The following CAMK2D variants were observed in gnomAD, a reference collection of about 807,000 sequenced individuals.
CAMK2D encodes calcium/calmodulin dependent protein kinase II delta.
Under a neutral mutation model 84.0 loss-of-function variants are expected in CAMK2D, and 37 were observed. That is an observed-to-expected ratio of 0.44 (90% CI 0.34 to 0.58). The LOEUF (loss-of-function observed/expected upper bound fraction) is 0.58. Among genes scored for constraint, CAMK2D ranks in the 20% least tolerant of loss-of-function variants. CAMK2D has a pLI of 0.02. For synonymous variants in CAMK2D, 202 were observed against 212.5 expected, an observed-to-expected ratio of 0.95 and a Z score of 0.43; for missense variants, 448 against 652.5, an observed-to-expected ratio of 0.69 and a Z score of 3.41.
chr4:113,617,698 C>T lies in CAMK2D; in HGVS notation c.221-8492G>A, dbSNP rs182735869. Among the ~76,000 whole-genome samples, 78 of 149,860 alleles carry T rather than the reference C, an allele frequency of 5.2e-4. 1 individual carries two copies. The highest frequency in any genetic ancestry group is 3.4e-3 in the Middle Eastern group (1 of 292). ...GTTCTTAATTTGAAATGGGGTCTTG[C>T]TATGTTGCTGAGGCTGGCCTCTTGA... On this transcript the variant is annotated intron_variant, in intron 3 of 20. Coordinates refer to ENST00000511664, the MANE Select transcript of CAMK2D (RefSeq NM_001321571.2).
In CAMK2D at chr4:113,577,296, G is replaced by A. The variant is rs532001298; in HGVS notation, c.276-25200C>T. On this transcript the variant is annotated intron_variant, in intron 4 of 20. Transcript: ENST00000511664. ...TTCCTGGAATATGTTGTGTTCTTTC[G>A]ATATACAGATTCAATCTTTCTTCAT... Among the ~76,000 whole-genome samples, 14 of 151,864 alleles carry A rather than the reference G, an allele frequency of 9.2e-5. No individual in the cohort carries two copies. In the South Asian group the frequency reaches 2.9e-3, roughly 32 times the overall value.
intron 6 of CAMK2D, among the ~76,000 whole-genome samples, 170 bp downstream of exon 6, chr4:113,547,474 T>C (rs990084307): frequency 3.3e-5 from 5 of 152,200 alleles, no homozygotes; most frequent in African/African-American, 1.2e-4. Context: ...CTCAAGTGTG[T>C]GTTAGAGATG....
At chr4:113,587,916 A>T (rs7690097) in intron 4 of CAMK2D, among the ~76,000 whole-genome samples, 106,556 of 151,774 alleles carry the variant, frequency 0.7, 37,597 homozygotes, top group Middle Eastern at 0.74. Context: ...TATGATGATG[A>T]TGTCATCCAG....
chr4:113,620,895 G>C (rs1292689226), intron 3 of CAMK2D, among the ~76,000 whole-genome samples: 1 of 152,024 alleles, frequency 6.6e-6, no homozygotes, highest in Non-Finnish European at 1.5e-5. Context: ...TATTTCCAAA[G>C]GTTCTAAATC....
chr4:113,544,743 C>A (rs2098554861), intron 6 of CAMK2D, among the ~76,000 whole-genome samples: 1 of 152,152 alleles, frequency 6.6e-6, no homozygotes, highest in Admixed American at 6.5e-5. Flanking sequence ...TACTGTTTAT[C>A]ACCACCACTA....
At chr4:113,456,147 T>C (rs2097300659) in intron 19 of CAMK2D, among the ~76,000 whole-genome samples, 1 of 152,158 alleles carries the variant, frequency 6.6e-6, no homozygotes, top group South Asian at 2.1e-4. Context: ...AATCTAACAG[T>C]GATATATAAT....
chr4:113,545,780 C>T (rs577279488), intron 6 of CAMK2D, among the ~76,000 whole-genome samples: 3 of 152,200 alleles, frequency 2.0e-5, no homozygotes, highest in African/African-American at 7.2e-5. Context: ...CTCTCAAAAG[C>T]TCATTTCTGT....
chr4:113,662,541 G>A (rs1213274746), intron 2 of CAMK2D, among the ~76,000 whole-genome samples: 3 of 152,184 alleles, frequency 2.0e-5, no homozygotes, highest in East Asian at 3.8e-4. Flanking sequence ...AAGGGTAGCA[G>A]TGTATAGTGG....
At position 113,747,895 on chromosome 4, in the gene CAMK2D, ACT is replaced by A. The variant is rs145371821; in HGVS notation, c.160+11423_160+11424del. Among the ~76,000 whole-genome samples the A allele has an allele frequency of 7.3e-3, 1,110 of 151,850 alleles. 19 individuals are homozygous for A. The highest frequency in any genetic ancestry group is 0.025 in the African/African-American group (1,044 of 41,390). On this transcript the variant is annotated intron_variant, in intron 2 of 20. Coordinates refer to ENST00000511664, the MANE Select transcript of CAMK2D (RefSeq NM_001321571.2). ...CACCCGTTTTTGCATGTTTCATGAA[ACT>A]CTATACCTGATAAGTCTATCACCAA... is the stretch of plus-strand genomic sequence containing the variant.
chr4:113,609,341 G>T, intron 3 of CAMK2D, 135 bp from the exon 4 acceptor site: 1 of 599,936 alleles, frequency 1.7e-6, no homozygotes, highest in Non-Finnish European at 3.1e-6. Flanking sequence ...TGATACGTCC[G>T]TATCTTTTAC....
intron 2 of CAMK2D, among the ~76,000 whole-genome samples, chr4:113,664,660 A>G (rs528315853): frequency 1.3e-3 from 196 of 152,316 alleles, no homozygotes; most frequent in African/African-American, 4.4e-3. Flanking sequence ...TATTTAGCCT[A>G]ATCACAGAAG....
At chr4:113,556,436 A>G (rs954863740) in intron 4 of CAMK2D, among the ~76,000 whole-genome samples, 2 of 152,138 alleles carry the variant, frequency 1.3e-5, no homozygotes, top group Non-Finnish European at 2.9e-5. Context: ...GTGCCCTTTA[A>G]TCATTGATTA....
intron 4 of CAMK2D, among the ~76,000 whole-genome samples, chr4:113,592,096 A>G (rs955309730): frequency 2.0e-5 from 3 of 152,180 alleles, no homozygotes; most frequent in African/African-American, 4.8e-5. Flanking sequence ...GAGAATGTCT[A>G]AAGTACCAAA....
intron 2 of CAMK2D, among the ~76,000 whole-genome samples, chr4:113,669,200 TGTA>T (rs749109034): frequency 1.8e-4 from 27 of 152,214 alleles, no homozygotes; most frequent in Non-Finnish European, 3.4e-4. Context: ...TACAACCTAT[TGTA>T]GTCCTTTTAA....
intron 2 of CAMK2D, among the ~76,000 whole-genome samples, chr4:113,700,609 GAAAC>G (rs2099414844): frequency 6.6e-6 from 1 of 152,148 alleles, no homozygotes. Context: ...GTAAGACTGT[GAAAC>G]AAACAAACAC....
At chr4:113,474,060 A>T (rs1317148832) in intron 16 of CAMK2D, among the ~76,000 whole-genome samples, 1 of 152,240 alleles carries the variant, frequency 6.6e-6, no homozygotes, top group Non-Finnish European at 1.5e-5. Context: ...CTTATGTGAA[A>T]GAATTCACTC....
At chr4:113,578,419 C>T (rs746313971) in intron 4 of CAMK2D, among the ~76,000 whole-genome samples, 1 of 152,184 alleles carries the variant, frequency 6.6e-6, no homozygotes, top group Non-Finnish European at 1.5e-5. Flanking sequence ...GACCAAGCCA[C>T]ACTGTGCCAC....
intron 8 of CAMK2D, among the ~76,000 whole-genome samples, chr4:113,528,136 A>C (rs1208592091): frequency 6.6e-6 from 1 of 152,136 alleles, no homozygotes; most frequent in African/African-American, 2.4e-5. Flanking sequence ...AATCACGCCA[A>C]TAATGCTGAG....
chr4:113,459,717 C>T (rs1330502853), intron 18 of CAMK2D, among the ~76,000 whole-genome samples: 2 of 149,806 alleles, frequency 1.3e-5, no homozygotes, highest in African/African-American at 4.9e-5. Flanking sequence ...ACTTCCACCT[C>T]ACGGGTTCAA....
Sources: allele counts gnomAD v4.1 joint callset (sites outside exome capture counted in the v4.1 genomes callset), GRCh38; gene constraint gnomAD v4.1.1; transcripts MANE v1.5; gene names NCBI Gene and HGNC (gene_info 2026-07-23, HGNC 2026-07-21).